Variants in ARSG observed in about 807,000 individuals in gnomAD.
The protein encoded by ARSG is arylsulfatase G.
A neutral mutation model predicts 50.5 loss-of-function variants in ARSG; 37 were observed. The ratio of observed to expected loss-of-function variants is 0.73; its 90% CI spans 0.56 to 0.96. The LOEUF (loss-of-function observed/expected upper bound fraction) is 0.96, where lower values mean the gene tolerates loss of function less well. ARSG is among the 50% of genes least tolerant of loss of function. ARSG has a pLI of 0.00. For missense variants in ARSG, 629 were observed against 675.3 expected (o/e 0.93, Z 0.76); for synonymous variants, 225 against 254.6 (o/e 0.88, Z 1.11).
At chr17:68,361,427 C>T (rs1274724492) in intron 6 of ARSG, among the ~76,000 whole-genome samples, 3 of 152,052 alleles carry the variant, frequency 2.0e-5, no homozygotes, top group East Asian at 1.9e-4. Context: ...AACTGGGAGA[C>T]GTAAAGTCAG....
At chr17:68,419,612 A>G (rs1806433478) in intron 11 of ARSG, among the ~76,000 whole-genome samples, 1 of 152,116 alleles carries the variant, frequency 6.6e-6, no homozygotes, top group South Asian at 2.1e-4. Context: ...GTGTCAATAA[A>G]GATACTTGAA....
intron 1 of ARSG, among the ~76,000 whole-genome samples, chr17:68,301,465 A>T (rs1291751404): frequency 1.3e-5 from 2 of 152,166 alleles, no homozygotes; most frequent in African/African-American, 4.8e-5. Context: ...CAGGGTGGCT[A>T]CCCGAGCAGA....
the ARSG span, among the ~76,000 whole-genome samples, chr17:68,445,524 C>A: frequency 6.6e-6 from 1 of 152,210 alleles, no homozygotes; most frequent in Non-Finnish European, 1.5e-5. Flanking sequence ...TTGAACACCC[C>A]AGTGCCCCAC....
chr17:68,382,645 G>A (rs78627292), intron 8 of ARSG, among the ~76,000 whole-genome samples: 2,864 of 152,278 alleles, frequency 0.019, 69 homozygotes, highest in African/African-American at 0.052. Flanking sequence ...CCTAGGGGCC[G>A]ATAGAATGCC....
chr17:68,306,803 G>T (rs1436548861), intron 1 of ARSG, 140 bp from the exon 2 acceptor site: 1 of 152,144 alleles, frequency 6.6e-6, no homozygotes, highest in Non-Finnish European at 1.5e-5. Context: ...TTTTCAGGTG[G>T]AGAAACTGAT....
At chr17:68,428,800 G>A in the ARSG span, 2 of 1,556,754 alleles carry the variant, frequency 1.3e-6, no homozygotes, top group African/African-American at 1.4e-5. Context: ...GCTCTCGAAA[G>A]GCTGTCTTTT....
chr17:68,388,260 T>C (rs2080820462), intron 9 of ARSG, among the ~76,000 whole-genome samples: 1 of 152,192 alleles, frequency 6.6e-6, no homozygotes, highest in Non-Finnish European at 1.5e-5. Flanking sequence ...AACCGTGGCG[T>C]GGTCGGCATT....
chr17:68,294,966 G>T (rs2076154484), intron 1 of ARSG, among the ~76,000 whole-genome samples: 1 of 152,160 alleles, frequency 6.6e-6, no homozygotes, highest in African/African-American at 2.4e-5. Context: ...TGATGACGAT[G>T]ATAATAATAA....
intron 8 of ARSG, among the ~76,000 whole-genome samples, chr17:68,383,186 C>T (rs548828108): frequency 2.0e-5 from 3 of 152,278 alleles, no homozygotes; most frequent in South Asian, 2.1e-4. Flanking sequence ...TTGTGGCAAA[C>T]GAGAAGAATC....
Position 68,271,176 on chromosome 17 carries a change from G to A in ARSG, c.-552+11750G>A, listed in dbSNP as rs1555748490. 3 of 1,614,010 alleles carry A rather than the reference G, an allele frequency of 1.9e-6. No homozygotes were observed. Among genetic ancestry groups the A allele is most frequent in the East Asian group, 2.2e-5 (1 of 44,886 alleles). Reference sequence around the variant, plus strand: ...CCATCGTAGATAATAAAAAAGCAGCGCGGTCCTGGTCAATGCCCAGACTAA... The same window carrying A: ...CCATCGTAGATAATAAAAAAGCAGCACGGTCCTGGTCAATGCCCAGACTAA... On this transcript the variant is annotated intron_variant, in intron 1 of 11. Coordinates refer to the ARSG transcript ENST00000448504. The surrounding 1 kb of genome is among the most constrained non-coding windows in gnomAD (Gnocchi z 5.3).
chr17:68,370,951 G>T (rs2079808835), intron 8 of ARSG, among the ~76,000 whole-genome samples: 1 of 145,640 alleles, frequency 6.9e-6, no homozygotes, highest in Non-Finnish European at 1.5e-5. Flanking sequence ...ACTGTACAAG[G>T]TTTTTAATGT....
At chr17:68,321,799 C>T (rs1473506492) in intron 2 of ARSG, among the ~76,000 whole-genome samples, 2 of 152,160 alleles carry the variant, frequency 1.3e-5, no homozygotes, top group Non-Finnish European at 2.9e-5. Flanking sequence ...CTCTGTATTT[C>T]CAGCTTTGCT....
intron 1 of ARSG, among the ~76,000 whole-genome samples, chr17:68,299,853 G>T (rs2076348263): frequency 6.6e-6 from 1 of 151,806 alleles, no homozygotes; most frequent in Non-Finnish European, 1.5e-5. Context: ...GGGTGTTATG[G>T]AATTGTAGTT....
At chr17:68,396,415 T>A (rs1320517488) in intron 10 of ARSG, among the ~76,000 whole-genome samples, 1 of 152,152 alleles carries the variant, frequency 6.6e-6, no homozygotes, top group South Asian at 2.1e-4. Context: ...TCTGAAGCAC[T>A]CATTGGCAGT....
chr17:68,442,062 T>C, the ARSG span, among the ~76,000 whole-genome samples: 1,545 of 152,272 alleles, frequency 0.01, 32 homozygotes, highest in African/African-American at 0.036. Flanking sequence ...GGAACACAAA[T>C]AGCCCTGCAC....
downstream of ARSG, among the ~76,000 whole-genome samples, chr17:68,424,100 T>G (rs891488322): frequency 6.6e-6 from 1 of 152,130 alleles, no homozygotes; most frequent in African/African-American, 2.4e-5. Context: ...TTAAGGCCAG[T>G]TGGGGCCATG....
At chr17:68,335,493 G>A (rs1482270698) in intron 2 of ARSG, among the ~76,000 whole-genome samples, 1 of 150,740 alleles carries the variant, frequency 6.6e-6, no homozygotes, top group Admixed American at 6.6e-5. Flanking sequence ...GGCGGAGCTT[G>A]CAGTGAGCCG....
At position 68,334,344 on chromosome 17, in the gene ARSG, T is replaced by G. The variant is rs141690561; in HGVS notation, c.219-9260T>G. On this transcript the variant is annotated intron_variant, in intron 2 of 11. Transcript: ENST00000621439. ...AGGCCCAGGTCTCTTTAGCAAGCCT[T>G]GTTATGTGGTACGAAAGCAAAGAGG... Among the ~76,000 whole-genome samples, 979 of 152,240 alleles carry G rather than the reference T, an allele frequency of 6.4e-3. 48 individuals carry two copies. Among genetic ancestry groups the G allele is most frequent in the Admixed American group, 0.06 (913 of 15,280 alleles).
chr17:68,331,203 TTC>T (rs1157458363), intron 2 of ARSG, among the ~76,000 whole-genome samples: 2 of 35,426 alleles, frequency 5.6e-5, no homozygotes, highest in African/African-American at 2.5e-4. Context: ...CTTTCTTTCT[TTC>T]TTTCTTTCTT....
Sources: allele counts gnomAD v4.1 joint callset (sites outside exome capture counted in the v4.1 genomes callset), GRCh38; gene constraint gnomAD v4.1.1; non-coding constraint Gnocchi (gnomAD v3.1); transcripts MANE v1.5; gene names NCBI Gene and HGNC (gene_info 2026-07-23, HGNC 2026-07-21).